The following DST variants were observed in gnomAD, a reference collection of about 807,000 sequenced individuals.
DST encodes bullous pemphigoid antigen.
Under a neutral mutation model 875.2 loss-of-function variants are expected in DST, and 253 were observed. The ratio of observed to expected loss-of-function variants is 0.29; its 90% CI spans 0.26 to 0.32. DST has a LOEUF of 0.32. DST is among the 10% of genes least tolerant of loss of function. DST has a pLI of 1.00. For missense variants in DST, 8,287 were observed against 9,111.6 expected (o/e 0.91, Z 3.68); for synonymous variants, 3,124 against 3,197.1 (o/e 0.98, Z 0.77).
At position 56,645,783 on chromosome 6, in the gene DST, G is replaced by C. The variant is rs1165609030; in HGVS notation, c.1778+83C>G. ...AGACTTATCCAAGGCCAAGTAAACA[G>C]AGGTTTAACTTAAGTTCTTTCACAA... On this transcript the variant is annotated intron_variant, in intron 15 of 103. Coordinates refer to ENST00000680361, the MANE Select transcript of DST (RefSeq NM_001374736.1). 17 of 1,499,502 alleles carry C rather than the reference G, an allele frequency of 1.1e-5. No homozygotes were observed. In the East Asian group the frequency reaches 3.6e-4, roughly 32 times the overall value. 92.9% of individuals were successfully genotyped at this position (1,499,502 alleles called of 1,614,324 possible).
intron 4 of DST, among the ~76,000 whole-genome samples, chr6:56,770,916 C>T (rs915210473): frequency 1.3e-5 from 2 of 151,604 alleles, no homozygotes; most frequent in African/African-American, 4.9e-5. Flanking sequence ...AGGAGAATAG[C>T]TTGAACCCGG....
At chr6:56,952,780 C>T (rs1324190344) in intron 2 of DST, among the ~76,000 whole-genome samples, 1 of 151,962 alleles carries the variant, frequency 6.6e-6, no homozygotes, top group Non-Finnish European at 1.5e-5. Flanking sequence ...TAATGTAAAG[C>T]CAGGAATGGA....
chr6:56,463,780 A>G lies in DST; in HGVS notation c.22760-16T>C, dbSNP rs769979450. On this transcript the variant is annotated splice_polypyrimidine_tract_variant and intron_variant, in intron 100 of 103. Transcript: ENST00000680361. ...CTTCCTTTGGCTGGGTTATACACAC[A>G]CAACAATGCACACAAAGAAAAGACG... The G allele has an allele frequency of 1.2e-6, 2 of 1,613,182 alleles. No individual in the cohort carries two copies. Among genetic ancestry groups the G allele is most frequent in the African/African-American group, 2.7e-5 (2 of 74,910 alleles).
At chr6:56,782,872 T>G (rs1306691317) in intron 4 of DST, among the ~76,000 whole-genome samples, 3 of 152,192 alleles carry the variant, frequency 2.0e-5, no homozygotes, top group Non-Finnish European at 4.4e-5. Context: ...GTGCTATAAA[T>G]TTCCCTCTAC....
At chr6:56,661,990 T>C (rs1290097544) in intron 10 of DST, among the ~76,000 whole-genome samples, 2 of 152,294 alleles carry the variant, frequency 1.3e-5, no homozygotes, top group East Asian at 3.9e-4. Context: ...ACTAACAGCT[T>C]GCACATCAAA....
chr6:56,498,343 T>C (rs2095994637), intron 80 of DST, among the ~76,000 whole-genome samples: 1 of 152,116 alleles, frequency 6.6e-6, no homozygotes, highest in African/African-American at 2.4e-5. Context: ...TGGCTAATTT[T>C]GTTTTATTTT....
At chr6:56,574,950 C>G (rs756557268) in intron 50 of DST, among the ~76,000 whole-genome samples, 4 of 152,116 alleles carry the variant, frequency 2.6e-5, no homozygotes, top group Non-Finnish European at 4.4e-5. Context: ...GAAACATAAT[C>G]TATACAACAA....
At position 56,603,011 on chromosome 6, in the gene DST, A is replaced by C; in HGVS notation, c.11178T>G (p.His3726Gln). 1 of 1,579,916 alleles carries C rather than the reference A, an allele frequency of 6.3e-7. No individual in the cohort carries two copies. Among genetic ancestry groups the C allele is most frequent in the South Asian group, 1.2e-5 (1 of 84,460 alleles). Residue 3726 changes from histidine (H) to glutamine (Q), a missense_variant, in exon 43 of 104, where the codon CAT (histidine) becomes CAG (glutamine). His to Gln is a conservative substitution (Grantham distance 24, BLOSUM62 0). Around this residue, in one of 10 missense-constraint regions of DST, gnomAD observed 3,138 missense variants for 3,116.6 expected, o/e 1.01. Transcript: ENST00000680361. ...ACTTAAGTTTATGCAGAAATTCTTC[A>C]TGGGAAACTGCTAGTTTAGACTAGA... ...DSEMSKLAVS[H>Q]EEFLHKLKSF...
chr6:56,553,541 T>C lies in DST; in HGVS notation c.15251A>G (p.His5084Arg). 1 of 1,612,488 alleles carries C rather than the reference T, an allele frequency of 6.2e-7. No individual in the cohort carries two copies. The highest frequency in any genetic ancestry group is 8.5e-7 in the Non-Finnish European group (1 of 1,178,540). The change falls in exon 61 of 104, where the codon CAT becomes CGT. Residue 5084 changes from histidine to arginine, a missense_variant. Physicochemically the swap from His to Arg is conservative, Grantham distance 29. Coordinates refer to ENST00000680361, the MANE Select transcript of DST (RefSeq NM_001374736.1). ...DTKKEEQNKS[H>R]PISAKLDVLE... ...GACATCGAGTTTGGCAGATATTGGA[T>C]GAGATTTGTTTTGCTCTTCTTTCTT...
chr6:56,608,580 A>G lies in DST; in HGVS notation c.6048T>C (p.Ile2016=). The G allele has an allele frequency of 1.2e-6, 2 of 1,613,484 alleles. No individual in the cohort carries two copies. Among genetic ancestry groups the G allele is most frequent in the Non-Finnish European group, 1.7e-6 (2 of 1,179,718 alleles). Reference sequence around the variant, plus strand: ...GGATACTGCTAGCAGTGTCCCTGTCAATCACCCCTTCTCTGACAGCTTCTT... The same window carrying G: ...GGATACTGCTAGCAGTGTCCCTGTCGATCACCCCTTCTCTGACAGCTTCTT... The part of the protein sequence containing the change: ...TVEEAVREGV[I]DRDTASSILT... The change falls in exon 40 of 104, where the codon ATT becomes ATC. Residue 2016 remains isoleucine, a synonymous_variant. Transcript: ENST00000680361.
chr6:56,710,886 T>C (rs1282193285), intron 5 of DST, among the ~76,000 whole-genome samples: 1 of 152,210 alleles, frequency 6.6e-6, no homozygotes, highest in Non-Finnish European at 1.5e-5. Context: ...TTATGGTTTT[T>C]TAAGGTACTA....
chr6:56,668,038 G>A (rs2099080888), intron 10 of DST, among the ~76,000 whole-genome samples: 3 of 152,056 alleles, frequency 2.0e-5, no homozygotes, highest in African/African-American at 7.2e-5. Context: ...CCAAAAGTAG[G>A]TTATTTTAGA....
chr6:56,625,047 A>G, intron 35 of DST, 110 bp downstream of exon 35: 1 of 792,582 alleles, frequency 1.3e-6, no homozygotes, highest in Non-Finnish European at 2.2e-6. Flanking sequence ...AAATTGTTAA[A>G]ATAGTAAGTT....
At chr6:56,565,577 T>C (rs1231962042) in intron 55 of DST, among the ~76,000 whole-genome samples, 3 of 152,168 alleles carry the variant, frequency 2.0e-5, no homozygotes, top group African/African-American at 7.2e-5. Context: ...AACTTATTGG[T>C]TTACTCAGGC....
intron 61 of DST, among the ~76,000 whole-genome samples, chr6:56,550,499 G>A (rs868424540): frequency 2.8e-4 from 43 of 152,298 alleles, no homozygotes; most frequent in Non-Finnish European, 1.8e-4. Context: ...GTGCAATGGT[G>A]AGAAAGCTCC....
intron 37 of DST, among the ~76,000 whole-genome samples, chr6:56,613,621 T>C (rs556437534): frequency 7.2e-5 from 11 of 152,254 alleles, no homozygotes; most frequent in African/African-American, 2.6e-4. Context: ...TAGCGGAAAT[T>C]TATTTTTTTA....
chr6:56,781,812 G>C (rs2099694652), intron 4 of DST, among the ~76,000 whole-genome samples: 1 of 152,052 alleles, frequency 6.6e-6, no homozygotes, highest in Non-Finnish European at 1.5e-5. Context: ...GTTTTCAAAG[G>C]GAATGCTTCC....
chr6:56,844,330 C>A (rs1014277026), intron 4 of DST, among the ~76,000 whole-genome samples: 7 of 152,200 alleles, frequency 4.6e-5, no homozygotes, highest in Non-Finnish European at 7.3e-5. Flanking sequence ...TTCTGCCCCC[C>A]AGAGCCCACA....
At chr6:56,660,439 C>T (rs1371999739) in intron 10 of DST, among the ~76,000 whole-genome samples, 3 of 152,184 alleles carry the variant, frequency 2.0e-5, no homozygotes, top group Non-Finnish European at 4.4e-5. Flanking sequence ...ACTGAAGACA[C>T]ATATGCCACT....
Sources: gnomAD v4.1 joint callset for allele counts (sites outside exome capture counted in the v4.1 genomes callset) on GRCh38, gnomAD v4.1.1 for gene constraint, gnomAD v4.1.1 regional missense constraint, MANE v1.5 for transcripts, NCBI Gene and HGNC (gene_info 2026-07-23, HGNC 2026-07-21) for gene names.